The following WDR31 variants were observed in gnomAD, a reference collection of about 807,000 sequenced individuals.
The protein encoded by WDR31 is WD repeat-containing protein 31.
Under a neutral mutation model 47.3 loss-of-function variants are expected in WDR31, and 30 were observed. The ratio of observed to expected loss-of-function variants is 0.63; its 90% CI spans 0.47 to 0.86. The LOEUF (loss-of-function observed/expected upper bound fraction) is 0.86, where lower values mean the gene tolerates loss of function less well. WDR31 is among the 40% of genes least tolerant of loss of function. The pLI is 0.00. For missense variants in WDR31, 406 were observed against 442.9 expected, an observed-to-expected ratio of 0.92 and a Z score of 0.75; for synonymous variants, 137 against 159.4, an observed-to-expected ratio of 0.86 and a Z score of 1.06.
At chr9:113,329,083 C>T in intron 4 of WDR31, 128 bp from the exon 5 acceptor site, 1 of 821,388 alleles carries the variant, frequency 1.2e-6, no homozygotes, top group Non-Finnish European at 2.0e-6. Context: ...TTGCTCAAAG[C>T]ATTCGGGGTT....
chr9:113,323,213 C>A, intron 5 of WDR31, 58 bp from the exon 6 acceptor site: 1 of 1,564,960 alleles, frequency 6.4e-7, no homozygotes, highest in Non-Finnish European at 8.7e-7. Context: ...TTGGACTGGA[C>A]TTTAAATTGG....
intron 7 of WDR31, among the ~76,000 whole-genome samples, chr9:113,321,953 G>A (rs1340639313): frequency 6.6e-6 from 1 of 152,094 alleles, no homozygotes; most frequent in Admixed American, 6.6e-5. Context: ...ATCCCTGCAG[G>A]TCCCTGCTGG....
chr9:113,317,543 A>G (rs571746458), intron 10 of WDR31, among the ~76,000 whole-genome samples: 1 of 152,156 alleles, frequency 6.6e-6, no homozygotes, highest in Admixed American at 6.5e-5. Context: ...TGGAGAAGCC[A>G]CTCCAGGTAA....
chr9:113,329,330 T>TG (rs1479947766), intron 4 of WDR31, among the ~76,000 whole-genome samples: 1 of 149,162 alleles, frequency 6.7e-6, no homozygotes, highest in East Asian at 2.2e-4. Flanking sequence ...TTTGTTGTGG[T>TG]GTTTTTTTTT....
In WDR31 at chr9:113,322,996, T is replaced by C. The variant is rs922349941; in HGVS notation, c.469+15A>G. The C allele has an allele frequency of 1.9e-6, 3 of 1,613,526 alleles. No homozygotes were observed. In the African/African-American group the frequency reaches 4.0e-5, roughly 22 times the overall value. The stretch of plus-strand genomic sequence containing the variant: ...AAAGCACAAAGGCATTGGGAAGAGG[T>C]CCGCTTTGTTTTACCTGGACTCACA... On this transcript the variant is annotated intron_variant, in intron 6 of 10. Coordinates refer to ENST00000374193, the MANE Select transcript of WDR31 (RefSeq NM_001012361.4).
chr9:113,320,570 C>CA (rs1833305544), intron 8 of WDR31, 72 bp from the exon 9 acceptor site: 6 of 1,545,336 alleles, frequency 3.9e-6, no homozygotes, highest in African/African-American at 1.4e-5. Flanking sequence ...GTCCCACTAC[C>CA]AAAAAAGTCT....
At chr9:113,332,594 CAAATCTATAGAGACAA>C (rs1833623533) in intron 2 of WDR31, among the ~76,000 whole-genome samples, 1 of 152,108 alleles carries the variant, frequency 6.6e-6, no homozygotes. Flanking sequence ...CCATAGTTGG[CAAATCTATAGAGACAA>C]AAAGCAGATT....
At chr9:113,326,269 G>A (rs1833465652) in intron 5 of WDR31, among the ~76,000 whole-genome samples, 1 of 152,150 alleles carries the variant, frequency 6.6e-6, no homozygotes, top group Admixed American at 6.5e-5. Context: ...CTTTGCATAT[G>A]GCAAGATTTT....
In WDR31 at chr9:113,316,931, G is replaced by A. The variant is rs555492249; in HGVS notation, c.944-22C>T. On this transcript the variant is annotated intron_variant, in intron 10 of 10. Coordinates refer to ENST00000374193, the MANE Select transcript of WDR31 (RefSeq NM_001012361.4). ...CAGGCTGGGGGGGAAAGGGGGACCA[G>A]CAGATTAGGCCAAGAGTGTAGCATC... The A allele has an allele frequency of 1.6e-4, 253 of 1,611,124 alleles. 3 individuals are homozygous for A. In the South Asian group the frequency reaches 2.5e-3, roughly 16 times the overall value.
In WDR31 at chr9:113,325,506, T is replaced by C. The variant is rs72758278; in HGVS notation, c.325-2351A>G. On this transcript the variant is annotated intron_variant, in intron 5 of 10. Transcript: ENST00000374193. ...CTTTATATTTTTAATTTAAATAATA[T>C]GGAACTTAAGTTCTTCTCATGATAC... Among the ~76,000 whole-genome samples, 185 of 152,102 alleles carry C rather than the reference T, an allele frequency of 1.2e-3. 1 individual carries two copies. The highest frequency in any genetic ancestry group is 2.6e-3 in the Admixed American group (39 of 15,292).
chr9:113,332,696 G>A (rs1352787845), intron 2 of WDR31, among the ~76,000 whole-genome samples: 2 of 151,978 alleles, frequency 1.3e-5, no homozygotes, highest in African/African-American at 2.4e-5. Flanking sequence ...ATGTAATACA[G>A]AGTATCTTAA....
chr9:113,328,385 A>G (rs1056821952), intron 5 of WDR31, among the ~76,000 whole-genome samples: 1 of 152,242 alleles, frequency 6.6e-6, no homozygotes, highest in Admixed American at 6.5e-5. Flanking sequence ...GGCGGACTTC[A>G]GAGCGGGGAA....
In WDR31 at chr9:113,318,540, A is replaced by G. The variant is rs34954176; in HGVS notation, c.878T>C (p.Leu293Ser). Residue 293 changes from leucine (L) to serine (S), a missense_variant, in exon 10 of 11, where the codon TTG becomes TCG. Leu to Ser is a moderately radical substitution (Grantham distance 145, BLOSUM62 -2). Transcript: ENST00000374193. ...SCVFLPRALA[L>S]MPLIATSSHD... The stretch of plus-strand genomic sequence containing the variant: ...TGATGAGGTAGCAATTAAAGGCATC[A>G]AGGCCAATGCTCTTGGTAGAAAGAC... 5.2e-4 allele frequency: 834 copies of G among 1,614,122 alleles called. 11 individuals are homozygous for G. Among genetic ancestry groups the G allele is most frequent in the Non-Finnish European group, 9.7e-5 (115 of 1,180,046 alleles).
intron 10 of WDR31, among the ~76,000 whole-genome samples, chr9:113,317,351 C>T (rs1833228618): frequency 6.6e-6 from 1 of 152,168 alleles, no homozygotes; most frequent in Non-Finnish European, 1.5e-5. Context: ...GACCCATCTC[C>T]CTCCATCTGC....
In WDR31 at chr9:113,321,562, C is replaced by A; in HGVS notation, c.587G>T (p.Trp196Leu). The A allele has an allele frequency of 6.2e-7, 1 of 1,614,136 alleles. No individual in the cohort carries two copies. Among genetic ancestry groups the A allele is most frequent in the Non-Finnish European group, 8.5e-7 (1 of 1,180,014 alleles). Reference protein sequence around the residue: ...VSRNVVTHLCWVPREPYILQT... With the variant: ...VSRNVVTHLCLVPREPYILQT... ...TAGTATGTATGGTTCTCTGGGGACC[C>A]AGCACAGGTGAGTGACCTAGAAAAA... The change falls in exon 8 of 11, where the codon TGG (tryptophan) becomes TTG (leucine). Residue 196 changes from tryptophan to leucine, a missense_variant. Physicochemically the swap from Trp to Leu is moderately conservative, Grantham distance 61. Coordinates refer to ENST00000374193, the MANE Select transcript of WDR31 (RefSeq NM_001012361.4).
chr9:113,333,144 A>C (rs928925497), intron 2 of WDR31, among the ~76,000 whole-genome samples: 4 of 152,104 alleles, frequency 2.6e-5, no homozygotes, highest in African/African-American at 9.7e-5. Flanking sequence ...TTCCTTTTGG[A>C]GTGATGAAAA....
intron 5 of WDR31, among the ~76,000 whole-genome samples, chr9:113,327,489 TTC>T (rs1481182996): frequency 6.6e-6 from 1 of 151,902 alleles, no homozygotes; most frequent in African/African-American, 2.4e-5. Flanking sequence ...ACACAGTCAA[TTC>T]TCTCTCACTT....
At chr9:113,331,312 A>T (rs184165059) in intron 3 of WDR31, among the ~76,000 whole-genome samples, 196 bp from the exon 4 acceptor site, 1 of 152,298 alleles carries the variant, frequency 6.6e-6, no homozygotes, top group East Asian at 1.9e-4. Flanking sequence ...AATGTGCAGA[A>T]TGACTGAAGG....
At position 113,338,838 on chromosome 9, in the gene WDR31, G is replaced by A. The variant is rs146092465; in HGVS notation, c.-182+1379C>T. On this transcript the variant is annotated intron_variant, in intron 1 of 10. Coordinates refer to ENST00000374193, the MANE Select transcript of WDR31 (RefSeq NM_001012361.4). ...TCTCCATATTAGTCAGGCTGGTCTC[G>A]AACTCCCGATCTCAGTTGATCCGCC... Among the ~76,000 whole-genome samples, 111 of 152,176 alleles carry A rather than the reference G, an allele frequency of 7.3e-4. 1 individual carries two copies. The highest frequency in any genetic ancestry group is 1.8e-3 in the Admixed American group (27 of 15,292).
Sources: gnomAD v4.1 joint callset for allele counts (sites outside exome capture counted in the v4.1 genomes callset) on GRCh38, gnomAD v4.1.1 for gene constraint, MANE v1.5 for transcripts, NCBI Gene and HGNC (gene_info 2026-07-23, HGNC 2026-07-21) for gene names.